Variants in CHST8 observed in about 807,000 individuals in gnomAD.
CHST8 encodes the protein carbohydrate sulfotransferase 8.
A neutral mutation model predicts 15.0 loss-of-function variants in CHST8; 10 were observed. The observed-to-expected ratio is 0.67, with a 90% confidence interval of 0.41 to 1.13. CHST8 has a LOEUF of 1.13. Ranked by LOEUF, CHST8 falls within the 50% of genes most tolerant of loss-of-function variation. The pLI is 0.00. For missense variants in CHST8, 634 were observed against 608.2 expected (o/e 1.04, Z -0.45); for synonymous variants, 259 against 256.6 (o/e 1.01, Z -0.09).
chr19:33,695,824 T>TCTTTCTTTTC (rs1555716691), intron 3 of CHST8, among the ~76,000 whole-genome samples: 2 of 127,066 alleles, frequency 1.6e-5, no homozygotes, highest in South Asian at 4.9e-4. Context: ...TTTCTTTCTT[T>TCTTTCTTTTC]TTTTTTTTTT....
At chr19:33,766,030 C>A (rs750039297) in intron 3 of CHST8, among the ~76,000 whole-genome samples, 5 of 152,044 alleles carry the variant, frequency 3.3e-5, no homozygotes, top group Non-Finnish European at 4.4e-5. Context: ...ATGCAAGCTG[C>A]GGCACCAGGT....
chr19:33,735,692 T>C (rs574443539), intron 3 of CHST8, among the ~76,000 whole-genome samples: 2 of 152,334 alleles, frequency 1.3e-5, no homozygotes, highest in South Asian at 4.1e-4. Flanking sequence ...CCGGGCGTGC[T>C]GGTGCACACC....
At chr19:33,657,426 G>A (rs1196298833) in intron 1 of CHST8, among the ~76,000 whole-genome samples, 4 of 147,998 alleles carry the variant, frequency 2.7e-5, no homozygotes, top group South Asian at 2.2e-4. Flanking sequence ...ACACCACCAC[G>A]CCTGCCTAAT....
At chr19:33,624,199 A>G (rs558654082) in intron 1 of CHST8, among the ~76,000 whole-genome samples, 23 of 152,378 alleles carry the variant, frequency 1.5e-4, no homozygotes, top group African/African-American at 5.3e-4. Flanking sequence ...AAGCAAGGTC[A>G]AGGATTAATT....
At chr19:33,694,093 C>CATATATATATATATATATAT (rs3040787) in intron 3 of CHST8, among the ~76,000 whole-genome samples, 2 of 31,380 alleles carry the variant, frequency 6.4e-5, no homozygotes, top group Non-Finnish European at 1.1e-4. Flanking sequence ...GTAGTTTATT[C>CATATATATATATATATATAT]ATATATATAT....
chr19:33,653,363 T>G (rs1369524448), intron 1 of CHST8, among the ~76,000 whole-genome samples: 1 of 152,202 alleles, frequency 6.6e-6, no homozygotes. Flanking sequence ...GTGCTTTGTG[T>G]ATAATGTCTT....
chr19:33,650,254 A>G (rs57033050), intron 1 of CHST8, among the ~76,000 whole-genome samples: 32,019 of 151,718 alleles, frequency 0.21, 4,840 homozygotes, highest in African/African-American at 0.42. Flanking sequence ...AGTTTTTAAG[A>G]TTTCTCTGGG....
At chr19:33,714,453 A>G (rs1005090169) in intron 3 of CHST8, among the ~76,000 whole-genome samples, 4 of 152,198 alleles carry the variant, frequency 2.6e-5, no homozygotes, top group Admixed American at 2.0e-4. Context: ...ATGGGTACCC[A>G]TGGACATACA....
intron 3 of CHST8, among the ~76,000 whole-genome samples, chr19:33,756,170 T>C (rs534850687): frequency 6.6e-6 from 1 of 152,334 alleles, no homozygotes; most frequent in East Asian, 1.9e-4. Context: ...ATAACGTGAA[T>C]ACTGTGATGA....
intron 2 of CHST8, among the ~76,000 whole-genome samples, chr19:33,682,891 G>T (rs12460209): frequency 1.4e-4 from 21 of 152,134 alleles, no homozygotes; most frequent in Admixed American, 1.4e-3. Flanking sequence ...GGTTTAATTC[G>T]CTTGTGGTTC....
intron 1 of CHST8, among the ~76,000 whole-genome samples, chr19:33,639,086 CAAAAAAAA>C (rs34970478): frequency 1.4e-4 from 9 of 64,664 alleles, no homozygotes; most frequent in African/African-American, 2.6e-4. Context: ...TGATCCTGAC[CAAAAAAAA>C]AAAAAAAAAA....
intron 2 of CHST8, among the ~76,000 whole-genome samples, chr19:33,682,152 G>GGT (rs71181375): frequency 0.15 from 21,945 of 146,374 alleles, 1,991 homozygotes; most frequent in Admixed American, 0.23. Context: ...CACCGTGCCT[G>GGT]GTGTGTGTGT....
In CHST8 at chr19:33,678,223, A is replaced by T. The variant is rs116045267; in HGVS notation, c.-87+10380A>T. ...TTAGCTGGAAGGAGATCTGAGGCAG[A>T]GACTAATGGAGAAGGGATGTTCCTG... On this transcript the variant is annotated intron_variant, in intron 2 of 4. Coordinates refer to ENST00000650847, the MANE Select transcript of CHST8 (RefSeq NM_001127895.2). 7.8e-3 allele frequency among the ~76,000 whole-genome samples: 1,191 copies of T among 152,298 alleles called. 11 individuals are homozygous for T. Among genetic ancestry groups the T allele is most frequent in the African/African-American group, 0.028 (1,152 of 41,564 alleles).
chr19:33,728,510 G>A (rs941018719), intron 3 of CHST8, among the ~76,000 whole-genome samples: 1 of 152,220 alleles, frequency 6.6e-6, no homozygotes, highest in African/African-American at 2.4e-5. Context: ...AAAGGAAAAG[G>A]GGCACATTCA....
intron 2 of CHST8, among the ~76,000 whole-genome samples, chr19:33,688,792 C>T (rs555705815): frequency 2.6e-5 from 4 of 152,282 alleles, no homozygotes; most frequent in African/African-American, 7.2e-5. Flanking sequence ...CCCAGGTTCC[C>T]GCCAGTACCT....
intron 2 of CHST8, among the ~76,000 whole-genome samples, chr19:33,684,073 C>T (rs1355683037): frequency 6.6e-6 from 1 of 152,222 alleles, no homozygotes; most frequent in Non-Finnish European, 1.5e-5. Context: ...CTCTCAGGCC[C>T]CCCTCGCTGT....
chr19:33,721,207 G>A (rs1015497393), intron 3 of CHST8, among the ~76,000 whole-genome samples: 8 of 152,178 alleles, frequency 5.3e-5, no homozygotes, highest in South Asian at 2.1e-4. Context: ...CAGGGTCCTC[G>A]GAGTCAGCAT....
chr19:33,689,556 A>G (rs918594003), intron 3 of CHST8, among the ~76,000 whole-genome samples, 165 bp downstream of exon 3: 1 of 152,180 alleles, frequency 6.6e-6, no homozygotes, highest in Non-Finnish European at 1.5e-5. Context: ...CGTTAGTCTC[A>G]ATGTGGGAGT....
chr19:33,749,798 CAT>C (rs1974380042), intron 3 of CHST8, among the ~76,000 whole-genome samples: 3 of 152,312 alleles, frequency 2.0e-5, no homozygotes, highest in South Asian at 4.1e-4. Context: ...GGAGGAAGGA[CAT>C]GTGCCCTTAG....
Sources: allele counts gnomAD v4.1 joint callset (sites outside exome capture counted in the v4.1 genomes callset), GRCh38; gene constraint gnomAD v4.1.1; transcripts MANE v1.5; gene names NCBI Gene and HGNC (gene_info 2026-07-23, HGNC 2026-07-21).